MCTP2: variants seen among roughly 807,000 people sequenced by gnomAD.
The protein encoded by MCTP2 is multiple C2 and transmembrane domain-containing protein 2.
Under a neutral mutation model 111.6 loss-of-function variants are expected in MCTP2, and 132 were observed. That is an observed-to-expected ratio of 1.18 (90% confidence interval 1.03 to 1.37). MCTP2 has a LOEUF of 1.37. MCTP2 is among the 40% of genes most tolerant of loss of function. The pLI is 0.00. For synonymous variants in MCTP2, 395 were observed against 387.7 expected (o/e 1.02, Z -0.22); for missense variants, 1,183 against 1,067.9 (o/e 1.11, Z -1.50).
At chr15:94,456,331 A>T (rs953501080) in intron 19 of MCTP2, among the ~76,000 whole-genome samples, 1 of 152,220 alleles carries the variant, frequency 6.6e-6, no homozygotes, top group East Asian at 1.9e-4. Context: ...CAGGGAAAAA[A>T]AATTAGACAG....
At chr15:94,373,535 C>T (rs1009489982) in intron 12 of MCTP2, among the ~76,000 whole-genome samples, 2 of 151,844 alleles carry the variant, frequency 1.3e-5, no homozygotes, top group African/African-American at 2.4e-5. Flanking sequence ...AATAAATATG[C>T]TATTTGATTG....
At chr15:94,426,053 T>G (rs1372946714) in intron 17 of MCTP2, among the ~76,000 whole-genome samples, 1 of 152,056 alleles carries the variant, frequency 6.6e-6, no homozygotes, top group African/African-American at 2.4e-5. Context: ...GTGTCTTTTT[T>G]ACTCCTGTGC....
intron 17 of MCTP2, among the ~76,000 whole-genome samples, chr15:94,438,275 T>G (rs2083587007): frequency 6.6e-6 from 1 of 152,106 alleles, no homozygotes; most frequent in Non-Finnish European, 1.5e-5. Context: ...ATACTATTGG[T>G]TAAAATATTT....
At chr15:94,243,173 A>ACGTATGTACGTATGCGTATATACGTATG (rs1292787048) in intron 1 of MCTP2, among the ~76,000 whole-genome samples, 1 of 147,792 alleles carries the variant, frequency 6.8e-6, no homozygotes, top group South Asian at 2.1e-4. Flanking sequence ...ATACATACGT[A>ACGTATGTACGTATGCGTATATACGTATG]CGTATGTACG....
chr15:94,468,715 A>G (rs1057269839), intron 20 of MCTP2, among the ~76,000 whole-genome samples: 1 of 151,992 alleles, frequency 6.6e-6, no homozygotes, highest in Non-Finnish European at 1.5e-5. Context: ...GCTCAATGCA[A>G]CCTCCACTTC....
intron 12 of MCTP2, among the ~76,000 whole-genome samples, chr15:94,379,854 T>TAG (rs2080024881): frequency 6.9e-6 from 1 of 144,850 alleles, no homozygotes; most frequent in African/African-American, 2.6e-5. Context: ...ATGATATATA[T>TAG]ATAATATATG....
At chr15:94,455,637 G>GA (rs1488933899) in intron 19 of MCTP2, among the ~76,000 whole-genome samples, 1 of 149,192 alleles carries the variant, frequency 6.7e-6, no homozygotes, top group Non-Finnish European at 1.5e-5. Context: ...ATGTTGGTCA[G>GA]AATGGTCTCC....
chr15:94,479,255 G>T lies in MCTP2; in HGVS notation c.*221G>T. ...GCGTAGAGGGTCAGCCCAGCGAAAA[G>T]CAACAACCCCAAGACTGTGAAAGAC... On this transcript the variant is annotated 3_prime_UTR_variant, in exon 23 of 23. Transcript: ENST00000357742. The T allele has an allele frequency of 1.7e-6, 1 of 577,630 alleles. No individual in the cohort carries two copies. Among genetic ancestry groups the T allele is most frequent in the South Asian group, 2.2e-5 (1 of 46,030 alleles). 35.8% of individuals were successfully genotyped at this position (577,630 alleles called of 1,614,324 possible).
At chr15:94,363,354 G>T (rs1313901302) in intron 10 of MCTP2, among the ~76,000 whole-genome samples, 2 of 152,124 alleles carry the variant, frequency 1.3e-5, no homozygotes, top group African/African-American at 4.8e-5. Flanking sequence ...GCAGGTCCTG[G>T]CATCATGGAT....
chr15:94,389,178 G>A (rs2080708731), intron 14 of MCTP2, among the ~76,000 whole-genome samples: 1 of 151,528 alleles, frequency 6.6e-6, no homozygotes, highest in African/African-American at 2.4e-5. Flanking sequence ...AGGGGTGAGT[G>A]GCGTGTTGAT....
At chr15:94,376,818 G>A (rs972010594) in intron 12 of MCTP2, among the ~76,000 whole-genome samples, 2 of 152,030 alleles carry the variant, frequency 1.3e-5, no homozygotes, top group African/African-American at 4.8e-5. Flanking sequence ...TATGCTTCAT[G>A]GTAGAGAAAT....
At position 94,479,694 on chromosome 15, in the gene MCTP2, G is replaced by T. The variant is rs1186091050; in HGVS notation, c.*660G>T. 1 of 152,132 alleles carries T rather than the reference G, an allele frequency of 6.6e-6. No individual in the cohort carries two copies. The highest frequency in any genetic ancestry group is 2.4e-5 in the African/African-American group (1 of 41,414). The allele number at this position is 152,132 out of a possible 1,614,324, so 9.4% of individuals were successfully genotyped here. A position where few individuals can be genotyped will look rare whatever the true frequency, so the allele number is the denominator to read the frequency against. On this transcript the variant is annotated 3_prime_UTR_variant, in exon 23 of 23. Coordinates refer to ENST00000357742, the MANE Select transcript of MCTP2 (RefSeq NM_001385001.1). ...CCATTGCTGGCAATGGATGGCCCAG[G>T]AAGGTCCCTAGAGATCACTCACTTG...
At chr15:94,357,527 G>T (rs183183942) in intron 9 of MCTP2, among the ~76,000 whole-genome samples, 151 of 151,560 alleles carry the variant, frequency 1.0e-3, no homozygotes, top group African/African-American at 3.6e-3. Context: ...TTTAATTTGT[G>T]GTCTAACAGG....
chr15:94,470,266 T>G, intron 20 of MCTP2, 67 bp from the exon 21 acceptor site: 1 of 1,141,316 alleles, frequency 8.8e-7, no homozygotes, highest in South Asian at 1.3e-5. Context: ...GAAATAAACA[T>G]GACAAGTTGA....
Position 94,407,535 on chromosome 15 carries a change from T to C in MCTP2, c.2085+5516T>C, listed in dbSNP as rs556166690. Among the ~76,000 whole-genome samples the C allele has an allele frequency of 7.2e-5, 11 of 152,304 alleles. No homozygotes were observed. The South Asian group carries it at 2.3e-3, about 32-fold the overall frequency. ...GTATAGGGAAATAAAGAATTTACTT[T>C]TCAGAGTTGACAAGGACTGAAATAT... On this transcript the variant is annotated intron_variant, in intron 17 of 22. Transcript: ENST00000357742.
At chr15:94,247,794 T>C (rs780638728) in intron 1 of MCTP2, among the ~76,000 whole-genome samples, 6 of 152,222 alleles carry the variant, frequency 3.9e-5, no homozygotes, top group Non-Finnish European at 7.3e-5. Flanking sequence ...TTTAGGTTGA[T>C]GAACTCCACT....
chr15:94,265,205 A>G (rs2073446023), intron 1 of MCTP2, among the ~76,000 whole-genome samples: 1 of 152,216 alleles, frequency 6.6e-6, no homozygotes, highest in Admixed American at 6.5e-5. Flanking sequence ...TGGGATTGCC[A>G]GGACACTTGA....
chr15:94,247,762 A>G (rs532745662), intron 1 of MCTP2, among the ~76,000 whole-genome samples: 5 of 152,292 alleles, frequency 3.3e-5, no homozygotes, highest in African/African-American at 9.6e-5. Context: ...TTTTTCCAAA[A>G]AGCTTAACAG....
rs1435186833 is a variant in MCTP2, at chr15:94,243,120, T to G, written c.-66+11456T>G. 1.4e-5 allele frequency among the ~76,000 whole-genome samples: 2 copies of G among 145,406 alleles called. 1 individual carries two copies. Among genetic ancestry groups the G allele is most frequent in the Non-Finnish European group, 3.1e-5 (2 of 65,128 alleles). On this transcript the variant is annotated intron_variant, in intron 1 of 22. Coordinates refer to ENST00000357742, the MANE Select transcript of MCTP2 (RefSeq NM_001385001.1). ...ATATGTGTATCTACGGGTGTGTATATATGTATCTACGGGTGTGGATATATT... is the reference window on the plus strand; with the variant it reads ...ATATGTGTATCTACGGGTGTGTATAGATGTATCTACGGGTGTGGATATATT...
Sources: allele counts gnomAD v4.1 joint callset (sites outside exome capture counted in the v4.1 genomes callset), GRCh38; gene constraint gnomAD v4.1.1; transcripts MANE v1.5; gene names NCBI Gene and HGNC (gene_info 2026-07-23, HGNC 2026-07-21).